The following HSDL1 variants were observed in gnomAD, a reference collection of about 807,000 sequenced individuals.
The protein encoded by HSDL1 is hydroxysteroid dehydrogenase like 1.
In HSDL1, 29 loss-of-function variants were observed where a neutral mutation model predicts 31.5. The observed-to-expected ratio is 0.92, with a 90% CI of 0.69 to 1.26. HSDL1 has a LOEUF of 1.26. Among genes scored for constraint, HSDL1 ranks in the 50% most tolerant of loss-of-function variants. The pLI is 0.00. For missense variants in HSDL1, 503 were observed against 416.6 expected, an observed-to-expected ratio of 1.21 and a Z score of -1.81; for synonymous variants, 222 against 155.2, an observed-to-expected ratio of 1.43 and a Z score of -3.20.
rs2086582454 is a variant in HSDL1 at position 84,124,462 on chromosome 16, T to A, written c.*168A>T. The A allele has an allele frequency of 3.6e-6, 2 of 561,154 alleles. No individual in the cohort carries two copies. Among genetic ancestry groups the A allele is most frequent in the East Asian group, 6.3e-5 (2 of 31,992 alleles). The allele number at this position is 561,154 out of a possible 1,614,324, so 34.8% of individuals were successfully genotyped here. A position where few individuals can be genotyped will look rare whatever the true frequency, so the allele number is the denominator to read the frequency against. ...CTGTGCCATCCACACACCCTTAAGG[T>A]TTTTCACAGCACTCTGACGGTATTA... On this transcript the variant is annotated 3_prime_UTR_variant, in exon 6 of 6. Transcript: ENST00000219439.
intron 5 of HSDL1, among the ~76,000 whole-genome samples, chr16:84,126,730 C>CA (rs1384328612): frequency 1.5e-5 from 2 of 134,826 alleles, no homozygotes; most frequent in Non-Finnish European, 3.4e-5. Flanking sequence ...GAGGACACAC[C>CA]CACACCCACA....
chr16:84,142,871 G>T (rs990770506), intron 1 of HSDL1, among the ~76,000 whole-genome samples: 3 of 152,170 alleles, frequency 2.0e-5, no homozygotes, highest in African/African-American at 7.2e-5. Context: ...TTCATACTCT[G>T]CGTCAGCACT....
intron 5 of HSDL1, among the ~76,000 whole-genome samples, chr16:84,125,953 A>G (rs1400903195): frequency 6.6e-6 from 1 of 152,100 alleles, no homozygotes; most frequent in East Asian, 1.9e-4. Context: ...AATACAAAAA[A>G]TTAGCCAGGC....
rs1396634888 is a variant in HSDL1, at chr16:84,124,816, CCAATCACAACAAATACCCACCAAT to C, written c.895-112_895-89del. Reference sequence around the variant, plus strand: ...TACACAGACCAGCACATGAAACCCACCAATCACAACAAATACCCACCAATCAATCACAACAAATACCCACCAATC... The same window carrying C: ...TACACAGACCAGCACATGAAACCCACCAATCACAACAAATACCCACCAATC... On this transcript the variant is annotated intron_variant, in intron 5 of 5. Coordinates refer to ENST00000219439, the MANE Select transcript of HSDL1 (RefSeq NM_031463.5). 87 of 780,012 alleles carry C rather than the reference CCAATCACAACAAATACCCACCAAT, an allele frequency of 1.1e-4. No homozygotes were observed. The African/African-American group carries it at 1.2e-3, about 10-fold the overall frequency. 48.3% of individuals were successfully genotyped at this position (780,012 alleles called of 1,614,324 possible).
intron 1 of HSDL1, among the ~76,000 whole-genome samples, chr16:84,143,994 G>A (rs1226176354): frequency 6.6e-6 from 1 of 151,584 alleles, no homozygotes; most frequent in Non-Finnish European, 1.5e-5. Flanking sequence ...CTACAGCCCG[G>A]GCGACAGAGC....
chr16:84,141,066 G>A (rs1481607056), intron 1 of HSDL1, among the ~76,000 whole-genome samples: 3 of 146,780 alleles, frequency 2.0e-5, no homozygotes, highest in Non-Finnish European at 2.9e-5. Context: ...ACTCCCGCCT[G>A]GGCGACAGAA....
At chr16:84,131,822 G>A (rs1392857807) in intron 2 of HSDL1, among the ~76,000 whole-genome samples, 1 of 152,154 alleles carries the variant, frequency 6.6e-6, no homozygotes, top group Non-Finnish European at 1.5e-5. Context: ...TGGGACTACA[G>A]GCGCCCGCCA....
At chr16:84,131,944 G>A (rs892779374) in intron 2 of HSDL1, among the ~76,000 whole-genome samples, 12 of 152,328 alleles carry the variant, frequency 7.9e-5, no homozygotes, top group African/African-American at 2.9e-4. Flanking sequence ...GCCTCCCAAA[G>A]TGCTGGGATT....
At position 84,130,126 on chromosome 16, in the gene HSDL1, C is replaced by G. The variant is rs570035191; in HGVS notation, c.526G>C (p.Val176Leu). 1 of 1,614,200 alleles carries G rather than the reference C, an allele frequency of 6.2e-7. No individual in the cohort carries two copies. Among genetic ancestry groups the G allele is most frequent in the African/African-American group, 1.3e-5 (1 of 75,040 alleles). Residue 176 changes from valine to leucine, a missense_variant, in exon 4 of 6, where the codon GTG (valine) becomes CTG (leucine). Val to Leu is a conservative substitution (Grantham distance 32). Transcript: ENST00000219439. ...ATCAAACTAGCGGCGGCAATGTTCACATTTATGATGTCCCAGAGCTTGTCC... is the reference window on the plus strand; with the variant it reads ...ATCAAACTAGCGGCGGCAATGTTCAGATTTATGATGTCCCAGAGCTTGTCC... The part of the protein sequence containing the change: ...SEDKLWDIIN[V>L]NIAAASLMVH...
At chr16:84,132,057 A>G (rs192079087) in intron 2 of HSDL1, among the ~76,000 whole-genome samples, 10 of 152,366 alleles carry the variant, frequency 6.6e-5, no homozygotes, top group African/African-American at 1.9e-4. Flanking sequence ...ACTAATCAAC[A>G]TAACTACCAG....
chr16:84,131,158 C>G lies in HSDL1; in HGVS notation c.164G>C (p.Arg55Pro), dbSNP rs757004174. 4 of 1,614,140 alleles carry G rather than the reference C, an allele frequency of 2.5e-6. No homozygotes were observed. The East Asian group carries it at 6.7e-5, about 27-fold the overall frequency. The change falls in exon 3 of 6, where the codon CGC becomes CCC. Residue 55 changes from arginine (R) to proline (P), a missense_variant. Arg to Pro is a moderately radical substitution (Grantham distance 103). Transcript: ENST00000219439. ...GATCAAGTCTGCTCTGCTCCCCAGG[C>G]GGGGGATAAAATGCAGCCTGATCAG... ...YSLIRLHFIP[R>P]LGSRADLIKQ... is the part of the protein sequence containing the mutation.
chr16:84,125,780 G>A (rs1027087281), intron 5 of HSDL1, among the ~76,000 whole-genome samples: 1 of 152,146 alleles, frequency 6.6e-6, no homozygotes, highest in Non-Finnish European at 1.5e-5. Context: ...TTTACTTAAC[G>A]TGATATGAAC....
chr16:84,130,080 C>G lies in HSDL1; in HGVS notation c.572G>C (p.Gly191Ala), dbSNP rs772095848. The G allele has an allele frequency of 6.2e-7, 1 of 1,614,170 alleles. No homozygotes were observed. Among genetic ancestry groups the G allele is most frequent in the East Asian group, 2.2e-5 (1 of 44,880 alleles). Residue 191 changes from glycine (G) to alanine (A), a missense_variant, in exon 4 of 6, where the codon GGA becomes GCA. Gly to Ala is a moderately conservative substitution (Grantham distance 60, BLOSUM62 0). Transcript: ENST00000219439. ...GGCACCTTTCTTTCTCTCCACCATT[C>G]CCGGTAACACAACATGGACCATCAA... is the stretch of plus-strand genomic sequence containing the variant. ...ASLMVHVVLP[G>A]MVERKKGAIV...
intron 2 of HSDL1, among the ~76,000 whole-genome samples, 155 bp from the exon 3 acceptor site, chr16:84,131,482 A>AGTCTGTCTGTCTGTCT (rs199649791): frequency 2.5e-4 from 35 of 139,322 alleles, no homozygotes; most frequent in African/African-American, 9.9e-4. Context: ...TCACAGTTTC[A>AGTCTGTCTGTCTGTCT]GTCTATCTAT....
Position 84,124,392 on chromosome 16 carries a change from C to G in HSDL1, c.*238G>C, listed in dbSNP as rs752727714. ...ACTTTCAAACAGCTTAGGGAAAAAGCACTGAAATGTAGATGTCGTCAATCA... is the reference window on the plus strand; with the variant it reads ...ACTTTCAAACAGCTTAGGGAAAAAGGACTGAAATGTAGATGTCGTCAATCA... On this transcript the variant is annotated 3_prime_UTR_variant, in exon 6 of 6. Coordinates refer to ENST00000219439, the MANE Select transcript of HSDL1 (RefSeq NM_031463.5). The G allele has an allele frequency of 2.7e-6, 1 of 366,968 alleles. No individual in the cohort carries two copies. The highest frequency in any genetic ancestry group is 2.1e-5 in the African/African-American group (1 of 48,630). 22.7% of individuals were successfully genotyped at this position (366,968 alleles called of 1,614,324 possible). A position where few individuals can be genotyped will look rare whatever the true frequency, so the allele number is the denominator to read the frequency against.
chr16:84,123,386 T>C lies in HSDL1; in HGVS notation c.*1244A>G, dbSNP rs1469565274. ...ATGTGCACATATTGTCATATTCATA[T>C]AGTGACTTAGAGTTTTCAAAGCACT... On this transcript the variant is annotated 3_prime_UTR_variant, in exon 6 of 6. Transcript: ENST00000219439. 2 of 152,240 alleles carry C rather than the reference T, an allele frequency of 1.3e-5. No individual in the cohort carries two copies. Among genetic ancestry groups the C allele is most frequent in the African/African-American group, 2.4e-5 (1 of 41,464 alleles). The allele number at this position is 152,240 out of a possible 1,614,324, so 9.4% of individuals were successfully genotyped here.
At chr16:84,136,612 AGAG>A (rs1268256008) in intron 1 of HSDL1, among the ~76,000 whole-genome samples, 2 of 152,226 alleles carry the variant, frequency 1.3e-5, no homozygotes, top group African/African-American at 2.4e-5. Context: ...TCAGGCCAGC[AGAG>A]GAGATGCACC....
rs1386164335 is a variant in HSDL1, at chr16:84,145,124, G to GCGGCCGCCGCCCCCGTCT, written c.-131_-114dup. 9.4e-4 allele frequency: 173 copies of GCGGCCGCCGCCCCCGTCT among 183,326 alleles called. 2 individuals carry two copies. Among genetic ancestry groups the GCGGCCGCCGCCCCCGTCT allele is most frequent in the African/African-American group, 3.7e-3 (159 of 42,542 alleles). 11.4% of individuals were successfully genotyped at this position (183,326 alleles called of 1,614,324 possible). On this transcript the variant is annotated 5_prime_UTR_variant, in exon 1 of 6. Coordinates refer to ENST00000219439, the MANE Select transcript of HSDL1 (RefSeq NM_031463.5). ...TCCAAACCGGTCCCGCCAGACCCGC[G>GCGGCCGCCGCCCCCGTCT]CGGCCGCCGCCCCCGTCTCGGCCGC...
intron 1 of HSDL1, among the ~76,000 whole-genome samples, chr16:84,142,165 C>T (rs1364256): frequency 0.048 from 7,369 of 152,158 alleles, 284 homozygotes; most frequent in South Asian, 0.19. Context: ...TAAGCTCAAA[C>T]CATTCACCTG....
Sources: gnomAD v4.1 joint callset for allele counts (sites outside exome capture counted in the v4.1 genomes callset) on GRCh38, gnomAD v4.1.1 for gene constraint, MANE v1.5 for transcripts, NCBI Gene and HGNC (gene_info 2026-07-23, HGNC 2026-07-21) for gene names.